Variants in NPFFR2 observed in about 807,000 individuals in gnomAD.
NPFFR2 encodes G-protein coupled receptor 74.
A neutral mutation model predicts 13.1 loss-of-function variants in NPFFR2; 15 were observed. The ratio of observed to expected loss-of-function variants is 1.15; its 90% CI spans 0.77 to 1.76. NPFFR2 has a LOEUF of 1.76. Ranked by LOEUF, NPFFR2 falls within the 40% of genes most tolerant of loss-of-function variation. The probability of loss-of-function intolerance (pLI) is 0.00; values close to 1 mark genes in which losing one functional copy is unlikely to be tolerated. For missense variants in NPFFR2, 572 were observed against 503.5 expected (o/e 1.14, Z -1.30); for synonymous variants, 190 against 175.7 (o/e 1.08, Z -0.65).
chr4:72,128,654 C>T lies in NPFFR2; in HGVS notation c.63C>T (p.Asp21=), dbSNP rs1298275233. Residue 21 remains aspartate, a synonymous_variant, in exon 2 of 4, where the codon GAC becomes GAT. Coordinates refer to ENST00000308744, the MANE Select transcript of NPFFR2 (RefSeq NM_004885.3). ...GGCATCCCATCTGGAATGTCAATGACACAAAGCATCATCTGTACTCAGATA... is the reference window on the plus strand; with the variant it reads ...GGCATCCCATCTGGAATGTCAATGATACAAAGCATCATCTGTACTCAGATA... ...ENWHPIWNVN[D]TKHHLYSDIN... 1.2e-6 allele frequency: 2 copies of T among 1,613,712 alleles called. No individual in the cohort carries two copies. The highest frequency in any genetic ancestry group is 2.2e-5 in the South Asian group (2 of 91,050).
intron 1 of NPFFR2, among the ~76,000 whole-genome samples, chr4:72,099,599 G>T (rs1721178038): frequency 6.6e-6 from 1 of 151,904 alleles, no homozygotes; most frequent in South Asian, 2.1e-4. Context: ...GGTGCCACAA[G>T]CTTTTGAACA....
intron 1 of NPFFR2, among the ~76,000 whole-genome samples, chr4:72,110,954 A>AG: frequency 6.6e-6 from 1 of 151,994 alleles, no homozygotes; most frequent in African/African-American, 2.4e-5. Context: ...AACAAAAACA[A>AG]AAAACTGCAA....
chr4:72,059,930 A>AT (rs1719872919), intron 1 of NPFFR2, among the ~76,000 whole-genome samples: 1 of 152,016 alleles, frequency 6.6e-6, no homozygotes, highest in Admixed American at 6.6e-5. Context: ...AGACCTGGTT[A>AT]TTTTTCCCCC....
At chr4:72,052,253 A>G (rs1296072341) in intron 1 of NPFFR2, among the ~76,000 whole-genome samples, 1 of 114,272 alleles carries the variant, frequency 8.8e-6, no homozygotes, top group Non-Finnish European at 1.9e-5. Flanking sequence ...TCAATAAAAT[A>G]CTGGTAAACT....
intron 3 of NPFFR2, among the ~76,000 whole-genome samples, chr4:72,140,817 G>T (rs925080766): frequency 3.9e-5 from 6 of 152,070 alleles, no homozygotes; most frequent in Non-Finnish European, 5.9e-5. Flanking sequence ...CTATTGATTG[G>T]AATAGTTTCA....
At chr4:72,111,932 A>G (rs992850600) in intron 1 of NPFFR2, among the ~76,000 whole-genome samples, 1 of 152,024 alleles carries the variant, frequency 6.6e-6, no homozygotes, top group Non-Finnish European at 1.5e-5. Flanking sequence ...TTGATTTATC[A>G]TAAGTGCTAC....
In NPFFR2 at chr4:72,128,854, C is replaced by T. The variant is rs749031170; in HGVS notation, c.263C>T (p.Ala88Val). Residue 88 changes from alanine (A) to valine (V), a missense_variant, in exon 2 of 4, where the codon GCC becomes GTC. Coordinates refer to ENST00000308744, the MANE Select transcript of NPFFR2 (RefSeq NM_004885.3). The stretch of plus-strand genomic sequence containing the variant: ...ACTAATCTCTTCATCTTAAACCTGG[C>T]CATAAGTGATTTACTAGTTGGCATA... Reference protein sequence around the residue: ...TVTNLFILNLAISDLLVGIFC... With the variant: ...TVTNLFILNLVISDLLVGIFC... 6.2e-7 allele frequency: 1 copy of T among 1,613,938 alleles called. No individual in the cohort carries two copies. Among genetic ancestry groups the T allele is most frequent in the Non-Finnish European group, 8.5e-7 (1 of 1,179,878 alleles).
intron 3 of NPFFR2, among the ~76,000 whole-genome samples, chr4:72,141,622 T>C (rs1035105459): frequency 6.6e-6 from 1 of 152,094 alleles, no homozygotes; most frequent in African/African-American, 2.4e-5. Flanking sequence ...GTGGTCTGAG[T>C]GACAGTTTGT....
chr4:72,069,573 G>A (rs1720183981), intron 1 of NPFFR2, among the ~76,000 whole-genome samples: 2 of 152,044 alleles, frequency 1.3e-5, no homozygotes, highest in African/African-American at 4.8e-5. Context: ...ATTACTATTA[G>A]TCAACATGAA....
rs145467804 is a variant in NPFFR2 at position 72,044,300 on chromosome 4, C to A, written c.-8+12100C>A. 1.1e-3 allele frequency among the ~76,000 whole-genome samples: 163 copies of A among 152,234 alleles called. 1 individual carries two copies. The highest frequency in any genetic ancestry group is 1.2e-4 in the Non-Finnish European group (8 of 68,020). ...CAGCCAATGTCAAGAAATGTATTCC[C>A]TGGGTTGTCTTCCAGGATTTTTATA... On this transcript the variant is annotated intron_variant, in intron 1 of 3. Transcript: ENST00000308744.
chr4:72,057,325 G>T (rs1300150163), intron 1 of NPFFR2, among the ~76,000 whole-genome samples: 1 of 151,872 alleles, frequency 6.6e-6, no homozygotes, highest in East Asian at 1.9e-4. Context: ...TAAAACAATA[G>T]AAATTTATTT....
At chr4:72,080,126 A>G (rs1392065676) in intron 1 of NPFFR2, among the ~76,000 whole-genome samples, 1 of 150,360 alleles carries the variant, frequency 6.7e-6, no homozygotes, top group African/African-American at 2.4e-5. Context: ...TTTGAAATAT[A>G]AATACCTGTT....
intron 3 of NPFFR2, among the ~76,000 whole-genome samples, chr4:72,145,164 C>T (rs1293510434): frequency 1.3e-5 from 2 of 150,984 alleles, no homozygotes; most frequent in African/African-American, 4.9e-5. Context: ...CTTTGCCTTC[C>T]TGAATATATA....
chr4:72,140,628 A>G (rs1722576270), intron 3 of NPFFR2, among the ~76,000 whole-genome samples: 3 of 152,140 alleles, frequency 2.0e-5, no homozygotes, highest in Admixed American at 2.0e-4. Context: ...CATGGTGGAT[A>G]AGTTTTTTGA....
chr4:72,080,136 T>A, intron 1 of NPFFR2, among the ~76,000 whole-genome samples: 1 of 39,236 alleles, frequency 2.5e-5, no homozygotes, highest in African/African-American at 4.9e-5. Context: ...AAATACCTGT[T>A]TTTTGTTGTT....
chr4:72,101,960 G>A (rs1721263231), intron 1 of NPFFR2, among the ~76,000 whole-genome samples: 1 of 151,964 alleles, frequency 6.6e-6, no homozygotes, highest in Non-Finnish European at 1.5e-5. Context: ...ACTAGAATAG[G>A]TGCTCCAAAA....
Position 72,102,533 on chromosome 4 carries a change from C to A in NPFFR2, c.-7-26052C>A, listed in dbSNP as rs578079941. 6.0e-4 allele frequency among the ~76,000 whole-genome samples: 80 copies of A among 134,020 alleles called. 2 individuals carry two copies. In the South Asian group the frequency reaches 0.02, roughly 34 times the overall value. The allele number at this position is 134,020 out of a possible 152,430, so 87.9% of individuals were successfully genotyped here. On this transcript the variant is annotated intron_variant, in intron 1 of 3. Transcript: ENST00000308744. ...TAATGCTATCCCTCCCCCCTCCCCC[C>A]ACCCACAACAGTCCCCGGTGTGTGA...
At chr4:72,130,533 T>A (rs1179593967) in intron 2 of NPFFR2, among the ~76,000 whole-genome samples, 1 of 152,030 alleles carries the variant, frequency 6.6e-6, no homozygotes, top group African/African-American at 2.4e-5. Flanking sequence ...GTTTTTGTGA[T>A]GTTTATCATT....
chr4:72,047,178 T>TA lies in NPFFR2; in HGVS notation c.-8+14990dup, dbSNP rs57694296. Reference sequence around the variant, plus strand: ...TTCACAGCCTGGTTATGTAAAGAATTAAAAAAAAAAAAGAAAATTTCAGAA... The same window carrying TA: ...TTCACAGCCTGGTTATGTAAAGAATTAAAAAAAAAAAAAGAAAATTTCAGAA... On this transcript the variant is annotated intron_variant, in intron 1 of 3. Coordinates refer to ENST00000308744, the MANE Select transcript of NPFFR2 (RefSeq NM_004885.3). Among the ~76,000 whole-genome samples the TA allele has an allele frequency of 8.0e-3, 1,211 of 151,046 alleles. 8 individuals are homozygous for TA. Among genetic ancestry groups the TA allele is most frequent in the African/African-American group, 0.017 (703 of 40,914 alleles).
Sources: gnomAD v4.1 joint callset for allele counts (sites outside exome capture counted in the v4.1 genomes callset) on GRCh38, gnomAD v4.1.1 for gene constraint, MANE v1.5 for transcripts, NCBI Gene and HGNC (gene_info 2026-07-23, HGNC 2026-07-21) for gene names.